The following FAT3 variants were observed in gnomAD, a reference collection of about 807,000 sequenced individuals.
FAT3 encodes the protein FAT atypical cadherin 3, also known as protocadherin Fat 3.
In FAT3, 95 loss-of-function variants were observed where a neutral mutation model predicts 310.2. That is an observed-to-expected ratio of 0.31 (90% CI 0.26 to 0.36). The LOEUF (loss-of-function observed/expected upper bound fraction) is 0.36. Ranked by LOEUF, FAT3 falls within the 10% of genes least tolerant of loss-of-function variation. The pLI, the probability that FAT3 is intolerant of heterozygous loss-of-function variation, is 1.00. For missense variants in FAT3, 5,408 were observed against 5,715.6 expected (o/e 0.95, Z 1.74); for synonymous variants, 2,314 against 2,192.9 (o/e 1.06, Z -1.54).
chr11:92,883,006 T>G lies in FAT3; in HGVS notation c.12550T>G (p.Tyr4184Asp). The G allele has an allele frequency of 6.2e-6, 10 of 1,613,912 alleles. No individual in the cohort carries two copies. The highest frequency in any genetic ancestry group is 8.5e-6 in the Non-Finnish European group (10 of 1,179,888). The part of the protein sequence containing the change: ...VFRKKVFRKN[Y>D]SRNNITLVQD... ...CCGCAAGAAGGTCTTCCGCAAGAAC[T>G]ACTCCCGCAACAACATCACGCTAGT... Residue 4184 changes from tyrosine (Y) to aspartate (D), a missense_variant, in exon 24 of 28, where the codon TAC becomes GAC. Tyr to Asp is a radical substitution (Grantham distance 160, BLOSUM62 -3). Coordinates refer to ENST00000525166, the MANE Select transcript of FAT3 (RefSeq NM_001367949.2). The surrounding 1 kb of genome is among the most constrained non-coding windows in gnomAD (Gnocchi z 4.2).
chr11:92,798,657 G>A lies in FAT3; in HGVS notation c.5644G>A (p.Val1882Ile). The stretch of plus-strand genomic sequence containing the variant: ...GACAGATGTGAATGATAACCCACCT[G>A]TTTTTACTCAGGCTGTGTTTGAGAC... ...EVTDVNDNPP[V>I]FTQAVFETIL... Residue 1882 changes from valine (V) to isoleucine (I), a missense_variant, in exon 10 of 28, where the codon GTT becomes ATT. Around this residue, in one of 5 missense-constraint regions of FAT3, gnomAD observed 4,588 missense variants for 4,809.8 expected, o/e 0.95. Transcript: ENST00000525166. The A allele has an allele frequency of 6.2e-7, 1 of 1,613,712 alleles. No homozygotes were observed. The highest frequency in any genetic ancestry group is 2.2e-5 in the East Asian group (1 of 44,818).
At chr11:92,505,361 T>C (rs537325841) in intron 2 of FAT3, among the ~76,000 whole-genome samples, 57 of 152,278 alleles carry the variant, frequency 3.7e-4, no homozygotes, top group African/African-American at 1.3e-3. Flanking sequence ...CGACTAGATA[T>C]TACACTTGAT....
chr11:92,703,125 G>A (rs1219866154), intron 4 of FAT3, among the ~76,000 whole-genome samples: 1 of 152,144 alleles, frequency 6.6e-6, no homozygotes, highest in Non-Finnish European at 1.5e-5. Flanking sequence ...TTTTCTTCCT[G>A]TCTGAAGTTC....
At chr11:92,563,105 G>A (rs780082900) in intron 3 of FAT3, among the ~76,000 whole-genome samples, 26 of 152,174 alleles carry the variant, frequency 1.7e-4, no homozygotes, top group Non-Finnish European at 8.8e-5. Context: ...TGTGGCTTCT[G>A]CCTGTTATTT....
chr11:92,435,759 G>T (rs920881769), intron 2 of FAT3, among the ~76,000 whole-genome samples: 3 of 151,832 alleles, frequency 2.0e-5, no homozygotes, highest in African/African-American at 7.3e-5. Flanking sequence ...TAGAGAGGGT[G>T]TTTCACTGTG....
chr11:92,388,214 T>G (rs144372159), intron 2 of FAT3, among the ~76,000 whole-genome samples: 100 of 152,318 alleles, frequency 6.6e-4, no homozygotes, highest in African/African-American at 2.2e-3. Context: ...TAAAGGAAAT[T>G]AAATTATTTG....
intron 2 of FAT3, among the ~76,000 whole-genome samples, chr11:92,360,303 C>CA (rs1948846835): frequency 6.6e-6 from 1 of 152,212 alleles, no homozygotes; most frequent in African/African-American, 2.4e-5. Context: ...CTCTGCGAAT[C>CA]AAACCATACC....
chr11:92,387,208 A>G (rs1183873447), intron 2 of FAT3, among the ~76,000 whole-genome samples: 1 of 152,084 alleles, frequency 6.6e-6, no homozygotes, highest in Non-Finnish European at 1.5e-5. Context: ...AACCAGGAAC[A>G]CAAGAGTAGC....
chr11:92,543,089 C>T (rs1204013075), intron 3 of FAT3, among the ~76,000 whole-genome samples: 1 of 152,084 alleles, frequency 6.6e-6, no homozygotes, highest in Non-Finnish European at 1.5e-5. Flanking sequence ...AAGACAAATA[C>T]CGCATGATCT....
intron 3 of FAT3, among the ~76,000 whole-genome samples, chr11:92,530,758 A>G (rs1954039471): frequency 6.6e-6 from 1 of 152,068 alleles, no homozygotes; most frequent in African/African-American, 2.4e-5. Flanking sequence ...TAAGATATGG[A>G]TGTTCAAAAA....
chr11:92,442,105 A>ATTTTT (rs1565320166), intron 2 of FAT3, among the ~76,000 whole-genome samples: 13 of 20,354 alleles, frequency 6.4e-4, no homozygotes, highest in African/African-American at 2.2e-3. Context: ...ATATATATAT[A>ATTTTT]TATATATTTT....
intron 1 of FAT3, among the ~76,000 whole-genome samples, chr11:92,302,522 G>A (rs1947026999): frequency 6.6e-6 from 1 of 151,430 alleles, no homozygotes; most frequent in Non-Finnish European, 1.5e-5. Flanking sequence ...TTTAATTTAG[G>A]GAAAAGAAGA....
At chr11:92,236,581 A>T (rs2134241500) in intron 1 of FAT3, among the ~76,000 whole-genome samples, 1 of 152,364 alleles carries the variant, frequency 6.6e-6, no homozygotes, top group African/African-American at 2.4e-5. Context: ...TGAGTTTAAC[A>T]AACAAAATCT....
intron 3 of FAT3, among the ~76,000 whole-genome samples, chr11:92,666,516 T>A (rs926548769): frequency 6.7e-6 from 1 of 148,682 alleles, no homozygotes; most frequent in Admixed American, 6.7e-5. Context: ...CACGCCCAGC[T>A]ATTTTTTTTT....
chr11:92,844,296 G>T lies in FAT3; in HGVS notation c.10929G>T (p.Glu3643Asp). 6.2e-7 allele frequency: 1 copy of T among 1,614,010 alleles called. No homozygotes were observed. The highest frequency in any genetic ancestry group is 8.5e-7 in the Non-Finnish European group (1 of 1,179,914). The change falls in exon 19 of 28, where the codon GAG (glutamate) becomes GAT (aspartate). Residue 3643 changes from glutamate to aspartate, a missense_variant. Around this residue, in one of 5 missense-constraint regions of FAT3, gnomAD observed 4,588 missense variants for 4,809.8 expected, o/e 0.95. Coordinates refer to ENST00000525166, the MANE Select transcript of FAT3 (RefSeq NM_001367949.2). ...VVVHVEQLVH[E>D]MLQNTVTIRF... ...TGCATGTGGAGCAGTTGGTGCATGA[G>T]ATGCTGCAGAACACTGTCACCATCC...
chr11:92,269,033 C>A (rs1217195580), intron 1 of FAT3, among the ~76,000 whole-genome samples: 4 of 152,134 alleles, frequency 2.6e-5, no homozygotes, highest in African/African-American at 9.7e-5. Flanking sequence ...GAATCAGCTC[C>A]TTTTCCCTCT....
chr11:92,384,407 G>C (rs771919411), intron 2 of FAT3, among the ~76,000 whole-genome samples: 1 of 152,156 alleles, frequency 6.6e-6, no homozygotes. Context: ...ATTTCTCATC[G>C]AGTTTCTTTT....
At chr11:92,719,652 C>G (rs998880699) in intron 4 of FAT3, among the ~76,000 whole-genome samples, 1 of 151,304 alleles carries the variant, frequency 6.6e-6, no homozygotes. Flanking sequence ...TTTTTCTTCT[C>G]CAAATATTTT....
intron 3 of FAT3, among the ~76,000 whole-genome samples, chr11:92,569,737 T>C (rs1591466311): frequency 6.6e-6 from 1 of 152,124 alleles, no homozygotes; most frequent in East Asian, 1.9e-4. Flanking sequence ...TGCATTAATG[T>C]CCCCCCTTTA....
Sources: allele counts gnomAD v4.1 joint callset (sites outside exome capture counted in the v4.1 genomes callset), GRCh38; gene constraint gnomAD v4.1.1; regional missense constraint gnomAD v4.1.1; non-coding constraint Gnocchi (gnomAD v3.1); transcripts MANE v1.5; gene names NCBI Gene and HGNC (gene_info 2026-07-23, HGNC 2026-07-21).